RAMP1: variants seen among roughly 807,000 people sequenced by gnomAD.
RAMP1 encodes receptor activity modifying protein 1.
In RAMP1, 7 loss-of-function variants were observed where a neutral mutation model predicts 8.2. The ratio of observed to expected loss-of-function variants is 0.85; its 90% confidence interval spans 0.49 to 1.60. RAMP1 has a LOEUF of 1.60. Ranked by LOEUF, RAMP1 falls within the 40% of genes most tolerant of loss-of-function variation. The probability of loss-of-function intolerance (pLI) is 0.00; values close to 1 mark genes in which losing one functional copy is unlikely to be tolerated. For synonymous variants in RAMP1, 92 were observed against 84.7 expected (o/e 1.09, Z -0.47); for missense variants, 192 against 202.4 (o/e 0.95, Z 0.31).
chr2:237,870,971 T>C (rs2062238829), intron 1 of RAMP1, among the ~76,000 whole-genome samples: 2 of 152,180 alleles, frequency 1.3e-5, no homozygotes, highest in African/African-American at 4.8e-5. Context: ...TGGAATGCAG[T>C]GCTTTGCTGT....
chr2:237,885,272 T>C lies in RAMP1; in HGVS notation c.191+7910T>C, dbSNP rs370713566. 2.0e-4 allele frequency among the ~76,000 whole-genome samples: 31 copies of C among 152,280 alleles called. No individual in the cohort carries two copies. In the South Asian group the frequency reaches 5.6e-3, roughly 28 times the overall value. ...CAAGGGCAGGGTGTCCTCCTGGATT[T>C]CTGCTGAGCTCGACCCCCACGAGGT... On this transcript the variant is annotated intron_variant, in intron 2 of 2. Coordinates refer to ENST00000254661, the MANE Select transcript of RAMP1 (RefSeq NM_005855.4).
intron 2 of RAMP1, among the ~76,000 whole-genome samples, chr2:237,898,733 A>G (rs1559951370): frequency 6.6e-6 from 1 of 152,234 alleles, no homozygotes; most frequent in Admixed American, 6.5e-5. Context: ...GGGAAGCTAC[A>G]CTGCGTGGGC....
At chr2:237,909,926 T>TCCG (rs1026869070) in intron 2 of RAMP1, among the ~76,000 whole-genome samples, 14 of 152,006 alleles carry the variant, frequency 9.2e-5, no homozygotes, top group African/African-American at 3.4e-4. Flanking sequence ...CAGAGGGGAC[T>TCCG]CCGCGATGGC....
intron 2 of RAMP1, among the ~76,000 whole-genome samples, chr2:237,883,020 C>T (rs571537955): frequency 6.6e-6 from 1 of 152,080 alleles, no homozygotes; most frequent in Non-Finnish European, 1.5e-5. Flanking sequence ...GGGAAAGGCC[C>T]GTCTCTGAGC....
At chr2:237,881,890 T>G (rs983734200) in intron 2 of RAMP1, among the ~76,000 whole-genome samples, 1 of 152,172 alleles carries the variant, frequency 6.6e-6, no homozygotes, top group Non-Finnish European at 1.5e-5. Flanking sequence ...CCACACAATT[T>G]TTTTAATGTG....
At chr2:237,874,771 G>C in intron 1 of RAMP1, 1 of 899,914 alleles carries the variant, frequency 1.1e-6, no homozygotes, top group Non-Finnish European at 1.3e-6. Context: ...GGGTGCCAGC[G>C]TGAGTCAGAA....
rs778301816 is a variant in RAMP1 at position 237,878,356 on chromosome 2, C to T, written c.191+994C>T. Among the ~76,000 whole-genome samples the T allele has an allele frequency of 2.0e-5, 3 of 152,230 alleles. No individual in the cohort carries two copies. The highest frequency in any genetic ancestry group is 2.9e-5 in the Non-Finnish European group (2 of 68,030). On this transcript the variant is annotated intron_variant, in intron 2 of 2. Coordinates refer to ENST00000254661, the MANE Select transcript of RAMP1 (RefSeq NM_005855.4). This position sits in a 1 kb window ranked among gnomAD's most constrained non-coding sequence, Gnocchi z 5.7. ...GGAAAGGTTGCACCAAGGTCACACA[C>T]GAAGAGTACCTGTGGCTGTGGTGTC... is the stretch of plus-strand genomic sequence containing the variant.
chr2:237,879,509 C>CT (rs1398974766), intron 2 of RAMP1, among the ~76,000 whole-genome samples: 2 of 149,318 alleles, frequency 1.3e-5, no homozygotes, highest in African/African-American at 4.9e-5. Flanking sequence ...TATTATGATA[C>CT]TTTAAGTTCT....
At chr2:237,879,642 C>A (rs545396397) in intron 2 of RAMP1, among the ~76,000 whole-genome samples, 2 of 124,136 alleles carry the variant, frequency 1.6e-5, no homozygotes, top group African/African-American at 6.1e-5. Flanking sequence ...TGTATACATA[C>A]GTAACAAACC....
intron 2 of RAMP1, among the ~76,000 whole-genome samples, chr2:237,896,330 CT>C (rs750780607): frequency 7.9e-5 from 12 of 152,242 alleles, no homozygotes; most frequent in Non-Finnish European, 1.2e-4. Flanking sequence ...CCAGACCTGG[CT>C]GCACATGGAG....
chr2:237,882,342 C>A (rs1227297384), intron 2 of RAMP1, among the ~76,000 whole-genome samples: 1 of 152,224 alleles, frequency 6.6e-6, no homozygotes, highest in Non-Finnish European at 1.5e-5. Context: ...TTAACTTAGT[C>A]CAAGAAACGC....
intron 1 of RAMP1, chr2:237,869,961 A>C (rs547131905): frequency 6.6e-6 from 1 of 152,356 alleles, no homozygotes; most frequent in African/African-American, 2.4e-5. Context: ...TGGGGAACCC[A>C]ACCTTGGAGA....
intron 2 of RAMP1, among the ~76,000 whole-genome samples, chr2:237,881,688 G>C (rs757686511): frequency 6.6e-6 from 1 of 152,168 alleles, no homozygotes; most frequent in Admixed American, 6.5e-5. Context: ...AACATCTTTC[G>C]TATGTTTACA....
chr2:237,889,131 TTG>T (rs1380208498), intron 2 of RAMP1, among the ~76,000 whole-genome samples: 4 of 152,036 alleles, frequency 2.6e-5, no homozygotes, highest in African/African-American at 9.7e-5. Flanking sequence ...CTTGTTTCGT[TTG>T]TGTGTCTTTT....
rs756922954 is a variant in RAMP1, at chr2:237,862,140, G to T, written c.52+2413G>T. On this transcript the variant is annotated intron_variant, in intron 1 of 2. Transcript: ENST00000254661. The surrounding 1 kb of genome is among the most constrained non-coding windows in gnomAD (Gnocchi z 4.0). Reference sequence around the variant, plus strand: ...GTGGGAGCCAGGGGTTTTTTTAATGGCTGCAACATTAATTGAAATGTATGA... The same window carrying T: ...GTGGGAGCCAGGGGTTTTTTTAATGTCTGCAACATTAATTGAAATGTATGA... Among the ~76,000 whole-genome samples the T allele has an allele frequency of 6.6e-6, 1 of 152,054 alleles. No homozygotes were observed. The highest frequency in any genetic ancestry group is 1.5e-5 in the Non-Finnish European group (1 of 68,014).
At chr2:237,882,064 T>C (rs138001765) in intron 2 of RAMP1, among the ~76,000 whole-genome samples, 1 of 152,324 alleles carries the variant, frequency 6.6e-6, no homozygotes. Flanking sequence ...CAGTTTATTC[T>C]TGTGTATGGT....
chr2:237,900,532 A>G (rs2062586890), intron 2 of RAMP1, among the ~76,000 whole-genome samples: 1 of 152,136 alleles, frequency 6.6e-6, no homozygotes, highest in African/African-American at 2.4e-5. Flanking sequence ...TTCTTTTTAA[A>G]AAATATCTTG....
rs1177473968 is a variant in RAMP1 at position 237,859,708 on chromosome 2, C to T, written c.33C>T (p.Arg11=). Residue 11 remains arginine (R), a synonymous_variant, in exon 1 of 3, where the codon CGC becomes CGT. Coordinates refer to ENST00000254661, the MANE Select transcript of RAMP1 (RefSeq NM_005855.4). ...GGGCCCTGTGCCGCCTCCCGCGGCG[C>T]GGCCTCTGGCTGCTCCTGGGTGAGT... The part of the protein sequence containing the change: MARALCRLPR[R]GLWLLLAHHL... 3 of 1,512,666 alleles carry T rather than the reference C, an allele frequency of 2.0e-6. No individual in the cohort carries two copies. The highest frequency in any genetic ancestry group is 2.9e-5 in the African/African-American group (2 of 69,194). 93.7% of individuals were successfully genotyped at this position (1,512,666 alleles called of 1,614,324 possible).
At chr2:237,864,212 C>T (rs868081682) in intron 1 of RAMP1, among the ~76,000 whole-genome samples, 4 of 152,178 alleles carry the variant, frequency 2.6e-5, no homozygotes, top group Non-Finnish European at 5.9e-5. Flanking sequence ...AAGCCCTGCC[C>T]CCTGTTCTCC....
Sources: gnomAD v4.1 joint callset for allele counts (sites outside exome capture counted in the v4.1 genomes callset) on GRCh38, gnomAD v4.1.1 for gene constraint, Gnocchi (gnomAD v3.1) non-coding constraint, MANE v1.5 for transcripts, NCBI Gene and HGNC (gene_info 2026-07-23, HGNC 2026-07-21) for gene names.